The following FMNL3 variants were observed in gnomAD, a reference collection of about 807,000 sequenced individuals.
The protein encoded by FMNL3 is formin-like protein 3.
In FMNL3, 57 loss-of-function variants were observed where a neutral mutation model predicts 119.6. That is an observed-to-expected ratio of 0.48 (90% confidence interval 0.39 to 0.59). The LOEUF (loss-of-function observed/expected upper bound fraction) is 0.59. FMNL3 is among the 20% of genes least tolerant of loss of function. The pLI is 0.00. For missense variants in FMNL3, 1,053 were observed against 1,323.5 expected (o/e 0.80, Z 3.17); for synonymous variants, 491 against 507.3 (o/e 0.97, Z 0.43).
chr12:49,662,334 C>A (rs1943758717), intron 4 of FMNL3, among the ~76,000 whole-genome samples: 1 of 152,136 alleles, frequency 6.6e-6, no homozygotes, highest in Non-Finnish European at 1.5e-5. Flanking sequence ...AGGGCCAGAC[C>A]CTGGCTCAAT....
At chr12:49,700,392 A>AG (rs2139051926) in intron 1 of FMNL3, among the ~76,000 whole-genome samples, 1 of 89,164 alleles carries the variant, frequency 1.1e-5, no homozygotes, top group African/African-American at 8.0e-5. Flanking sequence ...AATCCGTCTC[A>AG]AAAAAAAAAA....
intron 3 of FMNL3, 28 bp from the exon 4 acceptor site, chr12:49,665,936 A>G: frequency 6.2e-7 from 1 of 1,610,868 alleles, no homozygotes; most frequent in Non-Finnish European, 8.5e-7. Flanking sequence ...AAGGAAGGGA[A>G]TACAAGAGGG....
chr12:49,654,553 T>C (rs1943511843), intron 10 of FMNL3, among the ~76,000 whole-genome samples: 1 of 152,182 alleles, frequency 6.6e-6, no homozygotes, highest in African/African-American at 2.4e-5. Context: ...CTGATTTCCT[T>C]TGTACATCAA....
At chr12:49,686,916 A>C (rs563674351) in intron 1 of FMNL3, among the ~76,000 whole-genome samples, 15 of 152,294 alleles carry the variant, frequency 9.8e-5, no homozygotes, top group Admixed American at 9.8e-4. Flanking sequence ...TTGGACCCCC[A>C]GATGAGTACT....
chr12:49,653,142 A>G (rs1262739475), intron 13 of FMNL3, 84 bp downstream of exon 13: 3 of 1,235,758 alleles, frequency 2.4e-6, no homozygotes, highest in East Asian at 2.3e-5. Flanking sequence ...AGAGAACTTG[A>G]TATGACTCAG....
chr12:49,659,907 C>A, intron 5 of FMNL3: 1 of 985,438 alleles, frequency 1.0e-6, no homozygotes, highest in Non-Finnish European at 1.2e-6. Flanking sequence ...TCTTCTCCCC[C>A]AAGAAGCATT....
chr12:49,670,986 A>G (rs1944029682), intron 1 of FMNL3, among the ~76,000 whole-genome samples: 1 of 152,228 alleles, frequency 6.6e-6, no homozygotes, highest in African/African-American at 2.4e-5. Context: ...CATCGCTGCC[A>G]TCTGACCATT....
At position 49,649,185 on chromosome 12, in the gene FMNL3, CAA is replaced by C. The variant is rs971939139; in HGVS notation, c.2386-29_2386-28del. On this transcript the variant is annotated intron_variant, in intron 20 of 25. Transcript: ENST00000335154. This position sits in a 1 kb window ranked among gnomAD's most constrained non-coding sequence, Gnocchi z 5.6. The stretch of plus-strand genomic sequence containing the variant: ...TAGGAGAGGGGGTGAGGGCGGTGCA[CAA>C]GAGCTAAGCACTCTGGCTCCACAAC... 1 of 1,612,064 alleles carries C rather than the reference CAA, an allele frequency of 6.2e-7. No homozygotes were observed. Among genetic ancestry groups the C allele is most frequent in the Admixed American group, 1.7e-5 (1 of 59,896 alleles).
chr12:49,669,375 G>C (rs140435899), intron 1 of FMNL3, among the ~76,000 whole-genome samples: 2,345 of 152,314 alleles, frequency 0.015, 20 homozygotes, highest in Middle Eastern at 0.041. Context: ...TTTGGTGACT[G>C]AATAAGGTAC....
Position 49,646,603 on chromosome 12 carries a change from C to T in FMNL3, c.2995+283G>A, listed in dbSNP as rs555876066. 4.2e-5 allele frequency: 60 copies of T among 1,433,458 alleles called. 2 individuals carry two copies. The South Asian group carries it at 4.5e-4, about 11-fold the overall frequency. 88.8% of individuals were successfully genotyped at this position (1,433,458 alleles called of 1,614,324 possible). ...GTCTCCCAGCAGGAATCCTGGGAGA[C>T]GGGCATGCAGAGGGGGCAGCTGCGG... On this transcript the variant is annotated intron_variant, in intron 25 of 25. Transcript: ENST00000335154.
At chr12:49,669,906 C>T (rs1236822395) in intron 1 of FMNL3, among the ~76,000 whole-genome samples, 1 of 152,090 alleles carries the variant, frequency 6.6e-6, no homozygotes, top group Non-Finnish European at 1.5e-5. Flanking sequence ...GGCAGTCTGA[C>T]ACTTTAATCA....
chr12:49,636,897 C>T lies in FMNL3; in HGVS notation c.*8918G>A, dbSNP rs770279133. 6.2e-6 allele frequency: 10 copies of T among 1,610,650 alleles called. No individual in the cohort carries two copies. In the East Asian group the frequency reaches 2.2e-4, roughly 36 times the overall value. On this transcript the variant is annotated 3_prime_UTR_variant, in exon 26 of 26. Transcript: ENST00000335154. Reference sequence around the variant, plus strand: ...ATCAGAGCTCAGCTCTGCCCTAGAGCACAACCTCTTCACCCATTCCCTGCC... The same window carrying T: ...ATCAGAGCTCAGCTCTGCCCTAGAGTACAACCTCTTCACCCATTCCCTGCC...
At position 49,707,378 on chromosome 12, in the gene FMNL3, G is replaced by C. The variant is rs1291816531; in HGVS notation, c.-198C>G. ...GAGGGCGGAGGCAGCGTAGCGGACA[G>C]CCGCACCGAAGCAAGGCGGACGGAG... On this transcript the variant is annotated 5_prime_UTR_variant, in exon 1 of 26. Transcript: ENST00000335154. 9.4e-6 allele frequency: 4 copies of C among 424,102 alleles called. No homozygotes were observed. Among genetic ancestry groups the C allele is most frequent in the Non-Finnish European group, 1.6e-5 (4 of 246,620 alleles). The allele number at this position is 424,102 out of a possible 1,614,324, so 26.3% of individuals were successfully genotyped here.
chr12:49,664,113 T>A (rs1180500352), intron 4 of FMNL3, among the ~76,000 whole-genome samples: 2 of 152,318 alleles, frequency 1.3e-5, no homozygotes, highest in East Asian at 3.9e-4. Flanking sequence ...CTGGGCGTGG[T>A]GGTACACGCC....
At chr12:49,661,317 C>A (rs370442238) in intron 5 of FMNL3, among the ~76,000 whole-genome samples, 1 of 152,072 alleles carries the variant, frequency 6.6e-6, no homozygotes. Context: ...GAAGAAGACA[C>A]AAACTTGCTT....
rs1185712728 is a variant in FMNL3, at chr12:49,644,973, T to C, written c.*842A>G. The C allele has an allele frequency of 6.6e-6, 1 of 151,306 alleles. No individual in the cohort carries two copies. Among genetic ancestry groups the C allele is most frequent in the Non-Finnish European group, 1.5e-5 (1 of 67,850 alleles). The allele number at this position is 151,306 out of a possible 1,614,324, so 9.4% of individuals were successfully genotyped here. On this transcript the variant is annotated 3_prime_UTR_variant, in exon 26 of 26. Coordinates refer to ENST00000335154, the MANE Select transcript of FMNL3 (RefSeq NM_175736.5). Reference sequence around the variant, plus strand: ...TTGTTGAGAGGGGGAGAGTCTGAGGTTTATGTACAGTAAGAGGAAAGGGAG... The same window carrying C: ...TTGTTGAGAGGGGGAGAGTCTGAGGCTTATGTACAGTAAGAGGAAAGGGAG...
Position 49,640,607 on chromosome 12 carries a change from T to C in FMNL3, c.*5208A>G, listed in dbSNP as rs1197540634. On this transcript the variant is annotated 3_prime_UTR_variant, in exon 26 of 26. Coordinates refer to ENST00000335154, the MANE Select transcript of FMNL3 (RefSeq NM_175736.5). ...AGTCAGATTACTCCTGGTTGCTTAT[T>C]GGCTCTGAGACCTCCGTAAGTTCCG... 1.3e-5 allele frequency: 2 copies of C among 152,242 alleles called. No homozygotes were observed. The highest frequency in any genetic ancestry group is 4.8e-5 in the African/African-American group (2 of 41,458). 9.4% of individuals were successfully genotyped at this position (152,242 alleles called of 1,614,324 possible).
chr12:49,655,811 G>T (rs1271449871), intron 9 of FMNL3, among the ~76,000 whole-genome samples: 1 of 152,110 alleles, frequency 6.6e-6, no homozygotes, highest in African/African-American at 2.4e-5. Context: ...AGAAGAGGAA[G>T]GGGTGGGACC....
At chr12:49,701,180 C>T (rs951603958) in intron 1 of FMNL3, among the ~76,000 whole-genome samples, 4 of 151,042 alleles carry the variant, frequency 2.6e-5, no homozygotes, top group Non-Finnish European at 5.9e-5. Context: ...AAACAATATA[C>T]ACAGTATGAT....
Sources: gnomAD v4.1 joint callset for allele counts (sites outside exome capture counted in the v4.1 genomes callset) on GRCh38, gnomAD v4.1.1 for gene constraint, Gnocchi (gnomAD v3.1) non-coding constraint, MANE v1.5 for transcripts, NCBI Gene and HGNC (gene_info 2026-07-23, HGNC 2026-07-21) for gene names.